SERGEF: variants seen among roughly 807,000 people sequenced by gnomAD.
SERGEF encodes secretion-regulating guanine nucleotide exchange factor.
A neutral mutation model predicts 50.0 loss-of-function variants in SERGEF; 51 were observed. The observed-to-expected ratio is 1.02, with a 90% CI of 0.81 to 1.29. SERGEF has a LOEUF of 1.29. Ranked by LOEUF, SERGEF falls within the 50% of genes most tolerant of loss-of-function variation. SERGEF has a pLI of 0.00. For missense variants in SERGEF, 521 were observed against 557.0 expected (o/e 0.94, Z 0.65); for synonymous variants, 205 against 212.4 (o/e 0.97, Z 0.30).
At chr11:17,922,260 A>G (rs181083654) in intron 9 of SERGEF, among the ~76,000 whole-genome samples, 2 of 152,278 alleles carry the variant, frequency 1.3e-5, no homozygotes, top group Non-Finnish European at 2.9e-5. Flanking sequence ...ACGAGCCCAA[A>G]TGAGCTCTGG....
intron 10 of SERGEF, among the ~76,000 whole-genome samples, chr11:17,840,492 C>T (rs1177965687): frequency 6.6e-6 from 1 of 152,210 alleles, no homozygotes; most frequent in Non-Finnish European, 1.5e-5. Flanking sequence ...TCCTCTGACA[C>T]TTCTCTCACC....
intron 10 of SERGEF, among the ~76,000 whole-genome samples, chr11:17,830,600 TGG>T (rs1491358172): frequency 3.7e-5 from 1 of 27,202 alleles, no homozygotes; most frequent in East Asian, 1.8e-3. Context: ...GGGAGAGAGG[TGG>T]AGAGAGAGAG....
chr11:17,892,130 T>C (rs1241775383), intron 9 of SERGEF, among the ~76,000 whole-genome samples: 1 of 152,134 alleles, frequency 6.6e-6, no homozygotes, highest in Admixed American at 6.5e-5. Flanking sequence ...GCCTAGAAGA[T>C]AGTAAAACAT....
At chr11:17,912,047 T>A (rs1851964586) in intron 9 of SERGEF, among the ~76,000 whole-genome samples, 1 of 152,136 alleles carries the variant, frequency 6.6e-6, no homozygotes, top group Admixed American at 6.5e-5. Flanking sequence ...GTGGGAATAC[T>A]GATTCCAGAA....
intron 9 of SERGEF, among the ~76,000 whole-genome samples, chr11:17,879,778 C>A (rs1415206881): frequency 6.6e-6 from 1 of 152,048 alleles, no homozygotes; most frequent in Non-Finnish European, 1.5e-5. Context: ...GTTAATTAGC[C>A]AGTTTAGCCA....
At chr11:17,926,383 G>A (rs2133943656) in intron 9 of SERGEF, among the ~76,000 whole-genome samples, 1 of 152,064 alleles carries the variant, frequency 6.6e-6, no homozygotes, top group South Asian at 2.1e-4. Flanking sequence ...CTCACAAGCA[G>A]GGCCAGAGGC....
intron 1 of SERGEF, among the ~76,000 whole-genome samples, chr11:18,009,115 A>G (rs925613407): frequency 3.3e-5 from 5 of 152,088 alleles, no homozygotes; most frequent in Admixed American, 3.3e-4. Flanking sequence ...AATAATAATA[A>G]TTCGCTCACC....
chr11:17,976,648 GAA>G (rs1853382407), intron 8 of SERGEF, among the ~76,000 whole-genome samples: 5 of 152,050 alleles, frequency 3.3e-5, no homozygotes, highest in Admixed American at 3.3e-4. Flanking sequence ...GGTCCCCTGA[GAA>G]AGGGCAAGCA....
intron 5 of SERGEF, among the ~76,000 whole-genome samples, chr11:17,997,190 C>A (rs1017400068): frequency 6.6e-6 from 1 of 152,108 alleles, no homozygotes; most frequent in Non-Finnish European, 1.5e-5. Flanking sequence ...GAATGAGACA[C>A]TGTCTCAACA....
At chr11:17,996,522 T>G (rs1404317926) in intron 5 of SERGEF, among the ~76,000 whole-genome samples, 3 of 152,224 alleles carry the variant, frequency 2.0e-5, no homozygotes, top group African/African-American at 7.2e-5. Flanking sequence ...CCTTTTACTT[T>G]CATGCCCACT....
At chr11:17,837,034 G>C (rs1241836583) in intron 10 of SERGEF, among the ~76,000 whole-genome samples, 3 of 152,096 alleles carry the variant, frequency 2.0e-5, no homozygotes, top group Non-Finnish European at 4.4e-5. Context: ...CTATCTTTTA[G>C]AGGTATAAGA....
intron 9 of SERGEF, among the ~76,000 whole-genome samples, chr11:17,954,500 C>G (rs1221754978): frequency 6.6e-6 from 1 of 152,118 alleles, no homozygotes; most frequent in Non-Finnish European, 1.5e-5. Context: ...GTGAGTGACT[C>G]TGCAAACTAA....
intron 9 of SERGEF, among the ~76,000 whole-genome samples, chr11:17,949,220 A>G (rs1344430410): frequency 6.6e-6 from 1 of 152,136 alleles, no homozygotes; most frequent in Admixed American, 6.5e-5. Context: ...GGTTCAGGAC[A>G]TTTCAGGCAA....
rs1485085829 is a variant in SERGEF at position 17,861,013 on chromosome 11, G to T, written c.1048+17195C>A. Among the ~76,000 whole-genome samples, 5 of 152,314 alleles carry T rather than the reference G, an allele frequency of 3.3e-5. No homozygotes were observed. The East Asian group carries it at 9.6e-4, about 29-fold the overall frequency. On this transcript the variant is annotated intron_variant, in intron 10 of 10. Transcript: ENST00000265965. ...CCCTAACACCCACAATAATCAGGTA[G>T]CAAGCAGTGAGGGAAAGGGCCATTT...
At chr11:18,010,080 G>T in intron 1 of SERGEF, 1 of 1,225,330 alleles carries the variant, frequency 8.2e-7, no homozygotes, top group Non-Finnish European at 1.1e-6. Flanking sequence ...CCTACTCCTA[G>T]CTGGTTCTTC....
At chr11:17,975,960 A>G (rs890080604) in intron 8 of SERGEF, among the ~76,000 whole-genome samples, 1 of 152,166 alleles carries the variant, frequency 6.6e-6, no homozygotes, top group African/African-American at 2.4e-5. Flanking sequence ...TGTTGAACAA[A>G]TGAGTGAAGG....
chr11:17,957,024 C>T (rs557541376), intron 9 of SERGEF, among the ~76,000 whole-genome samples: 14 of 152,290 alleles, frequency 9.2e-5, no homozygotes, highest in South Asian at 8.3e-4. Flanking sequence ...ATTCCCAGAC[C>T]CAATTTACCA....
intron 9 of SERGEF, among the ~76,000 whole-genome samples, chr11:17,951,710 T>G (rs1265645948): frequency 6.6e-6 from 1 of 152,134 alleles, no homozygotes; most frequent in East Asian, 1.9e-4. Flanking sequence ...GGGCTAGCAA[T>G]GAGAAAAATG....
At chr11:17,842,350 C>G (rs886648657) in intron 10 of SERGEF, among the ~76,000 whole-genome samples, 2 of 152,102 alleles carry the variant, frequency 1.3e-5, no homozygotes, top group Non-Finnish European at 2.9e-5. Flanking sequence ...TTTTTGCCAC[C>G]TCTCCTTATC....
Sources: allele counts gnomAD v4.1 joint callset (sites outside exome capture counted in the v4.1 genomes callset), GRCh38; gene constraint gnomAD v4.1.1; transcripts MANE v1.5; gene names NCBI Gene and HGNC (gene_info 2026-07-23, HGNC 2026-07-21).